Variants in GRIA3 observed in about 807,000 individuals in gnomAD.
GRIA3 encodes the protein glutamate ionotropic receptor AMPA type subunit 3.
GRIA3 carries 3 observed loss-of-function variants against 63.0 expected under a neutral mutation model. The observed-to-expected ratio is 0.05, with a 90% CI of 0.02 to 0.12. The LOEUF (loss-of-function observed/expected upper bound fraction) is 0.12, where lower values mean the gene tolerates loss of function less well. GRIA3 is among the 10% of genes least tolerant of loss of function. The pLI is 1.00. For missense variants in GRIA3, 347 were observed against 700.9 expected, an observed-to-expected ratio of 0.50 and a Z score of 5.70; for synonymous variants, 274 against 257.9, an observed-to-expected ratio of 1.06 and a Z score of -0.60.
intron 4 of GRIA3, among the ~76,000 whole-genome samples, chrX:123,334,692 G>A (rs907561006): frequency 4.5e-5 from 5 of 111,487 alleles, no homozygotes; most frequent in South Asian, 7.6e-4. Context: ...TTTGAGAGTC[G>A]TTGGGATGAC....
intron 12 of GRIA3, among the ~76,000 whole-genome samples, chrX:123,455,249 A>G (rs918703292): frequency 4.5e-5 from 5 of 111,846 alleles, no homozygotes; most frequent in African/African-American, 1.6e-4. Context: ...GTCTCATGAC[A>G]GCTGCTGATT....
intron 5 of GRIA3, among the ~76,000 whole-genome samples, chrX:123,376,242 T>A (rs2045283975): frequency 9.0e-6 from 1 of 111,297 alleles, no homozygotes; most frequent in Admixed American, 9.6e-5. Context: ...AACCATACAA[T>A]CTAGAAATAT....
chrX:123,367,045 C>T (rs767390753), intron 5 of GRIA3, among the ~76,000 whole-genome samples: 11 of 111,060 alleles, frequency 9.9e-5, no homozygotes, highest in Non-Finnish European at 1.9e-4. Flanking sequence ...TAGTCAAACA[C>T]TCAAAATTAA....
At chrX:123,217,956 T>C (rs1218591419) in intron 2 of GRIA3, among the ~76,000 whole-genome samples, 1 of 112,490 alleles carries the variant, frequency 8.9e-6, no homozygotes, top group Non-Finnish European at 1.9e-5. Flanking sequence ...TTCCGACAGA[T>C]TGCAAACTGC....
rs1409781386 is a variant in GRIA3 at position 123,464,880 on chromosome X, G to C, written c.2092G>C (p.Val698Leu). The C allele has an allele frequency of 8.3e-7, 1 of 1,206,839 alleles. No individual in the cohort carries two copies. Among genetic ancestry groups the C allele is most frequent in the Non-Finnish European group, 1.1e-6 (1 of 891,470 alleles). The change falls in exon 13 of 16, where the codon GTG becomes CTG. Residue 698 changes from valine (V) to leucine (L), a missense_variant. Val to Leu is a conservative substitution (Grantham distance 32). Transcript: ENST00000620443. The part of the protein sequence containing the change: ...KEFFRRSKIA[V>L]YEKMWSYMKS... ...TTTGGTGCAGAGATCCAAAATTGCT[G>C]TGTACGAGAAAATGTGGTCTTACAT...
At chrX:123,408,977 T>C (rs1265222764) in intron 10 of GRIA3, among the ~76,000 whole-genome samples, 3 of 112,333 alleles carry the variant, frequency 2.7e-5, no homozygotes, top group African/African-American at 9.7e-5. Flanking sequence ...TCTTTTGGCA[T>C]TGGGAAGTTT....
At chrX:123,210,269 T>C (rs967733776) in intron 2 of GRIA3, among the ~76,000 whole-genome samples, 9 of 108,593 alleles carry the variant, frequency 8.3e-5, no homozygotes, top group African/African-American at 3.0e-4. Context: ...CACATTCTGT[T>C]CCTAACTCCT....
intron 12 of GRIA3, among the ~76,000 whole-genome samples, chrX:123,439,906 T>A (rs2045664425): frequency 9.0e-6 from 1 of 111,380 alleles, no homozygotes; most frequent in African/African-American, 3.3e-5. Flanking sequence ...TTAAGTCCAG[T>A]ACCCAATAGT....
intron 3 of GRIA3, among the ~76,000 whole-genome samples, chrX:123,308,405 G>A (rs998844403): frequency 9.0e-6 from 1 of 111,197 alleles, no homozygotes; most frequent in African/African-American, 3.3e-5. Flanking sequence ...GCATCTTTAG[G>A]GTCTTCTCTG....
intron 2 of GRIA3, among the ~76,000 whole-genome samples, chrX:123,207,301 T>C (rs1927916803): frequency 8.9e-6 from 1 of 111,992 alleles, no homozygotes; most frequent in Non-Finnish European, 1.9e-5. Context: ...TGAGTTAACA[T>C]AGTGCTTCTT....
intron 2 of GRIA3, among the ~76,000 whole-genome samples, chrX:123,220,525 A>T (rs1371869922): frequency 1.8e-5 from 2 of 111,472 alleles, no homozygotes; most frequent in Non-Finnish European, 3.8e-5. Flanking sequence ...CTTAAGAAAT[A>T]ACTCCTTCAT....
chrX:123,431,797 A>G (rs961684225), intron 12 of GRIA3, among the ~76,000 whole-genome samples: 23 of 112,341 alleles, frequency 2.0e-4, no homozygotes, highest in African/African-American at 6.8e-4. Flanking sequence ...GTGAAAATTG[A>G]TATTAATATT....
intron 2 of GRIA3, among the ~76,000 whole-genome samples, chrX:123,238,790 A>G (rs752237447): frequency 1.9e-5 from 2 of 105,857 alleles, no homozygotes; most frequent in Admixed American, 9.9e-5. Flanking sequence ...GGAACAAATC[A>G]GAATGGAGGT....
intron 13 of GRIA3, among the ~76,000 whole-genome samples, chrX:123,467,355 T>C (rs1388587076): frequency 8.9e-6 from 1 of 112,225 alleles, no homozygotes; most frequent in Non-Finnish European, 1.9e-5. Context: ...ATGGTTGTTC[T>C]TATTGAAAAT....
At position 123,356,718 on chromosome X, in the gene GRIA3, A is replaced by C. The variant is rs1280525627; in HGVS notation, c.750+1755A>C. ...TTATACATGAATGACTAAGTTTGAGATATAACATTGAACTGGGGATCAGAA... is the reference window on the plus strand; with the variant it reads ...TTATACATGAATGACTAAGTTTGAGCTATAACATTGAACTGGGGATCAGAA... On this transcript the variant is annotated intron_variant, in intron 5 of 15. Coordinates refer to ENST00000620443, the MANE Select transcript of GRIA3 (RefSeq NM_007325.5). 3.6e-5 allele frequency among the ~76,000 whole-genome samples: 4 copies of C among 111,646 alleles called. No individual in the cohort carries two copies. In the East Asian group the frequency reaches 1.1e-3, roughly 31 times the overall value.
intron 2 of GRIA3, among the ~76,000 whole-genome samples, chrX:123,209,852 C>T (rs1927992873): frequency 9.0e-6 from 1 of 110,890 alleles, no homozygotes; most frequent in Non-Finnish European, 1.9e-5. Flanking sequence ...GTCCATATGC[C>T]TGTCAAAAAT....
chrX:123,317,364 C>T, intron 3 of GRIA3, among the ~76,000 whole-genome samples: 1 of 111,568 alleles, frequency 9.0e-6, no homozygotes, highest in East Asian at 2.8e-4. Flanking sequence ...AAAGTCTTAA[C>T]TCATTTCAGC....
intron 3 of GRIA3, among the ~76,000 whole-genome samples, chrX:123,305,522 C>G (rs1185778875): frequency 8.9e-6 from 1 of 112,370 alleles, no homozygotes; most frequent in African/African-American, 3.2e-5. Flanking sequence ...CTTGCATTAT[C>G]CTTGTCCAAT....
chrX:123,373,423 T>C (rs1394368138), intron 5 of GRIA3, among the ~76,000 whole-genome samples: 17 of 111,879 alleles, frequency 1.5e-4, no homozygotes, highest in South Asian at 7.5e-4. Context: ...TAGTTCTAGA[T>C]CCCTGAGGAA....
Sources: allele counts gnomAD v4.1 joint callset (sites outside exome capture counted in the v4.1 genomes callset), GRCh38; gene constraint gnomAD v4.1.1; transcripts MANE v1.5; gene names NCBI Gene and HGNC (gene_info 2026-07-23, HGNC 2026-07-21).